The following BCR variants were observed in gnomAD, a reference collection of about 807,000 sequenced individuals.
BCR encodes the protein BCR activator of RhoGEF and GTPase.
BCR carries 58 observed loss-of-function variants against 138.6 expected under a neutral mutation model. The observed-to-expected ratio is 0.42, with a 90% CI of 0.34 to 0.52. BCR has a LOEUF of 0.52. Ranked by LOEUF, BCR falls within the 20% of genes least tolerant of loss-of-function variation. BCR has a pLI of 0.06. For synonymous variants in BCR, 786 were observed against 730.1 expected, an observed-to-expected ratio of 1.08 and a Z score of -1.23; for missense variants, 1,599 against 1,727.2, an observed-to-expected ratio of 0.93 and a Z score of 1.32.
intron 5 of BCR, among the ~76,000 whole-genome samples, chr22:23,269,168 A>G (rs2073480197): frequency 6.6e-6 from 1 of 152,242 alleles, no homozygotes; most frequent in African/African-American, 2.4e-5. Context: ...TGGGCCATTC[A>G]GAAGGCTGGT....
rs1338264629 is a variant in BCR at position 23,287,263 on chromosome 22, C to T, written c.2511C>T (p.His837=). The T allele has an allele frequency of 6.4e-7, 1 of 1,551,392 alleles. No individual in the cohort carries two copies. The highest frequency in any genetic ancestry group is 1.4e-5 in the African/African-American group (1 of 73,338). Residue 837 remains histidine, a synonymous_variant, in exon 11 of 23, where the codon CAC becomes CAT. Transcript: ENST00000305877. ...LMSPSMAFRV[H]SRNGKSYTFL... is the part of the protein sequence containing the mutation. ...CTCCCAGCATGGCCTTCAGGGTGCA[C>T]AGCCGCAACGGCAAGGTGAGCGCCT...
intron 1 of BCR, among the ~76,000 whole-genome samples, chr22:23,214,704 A>G (rs1259452525): frequency 2.6e-5 from 4 of 152,230 alleles, no homozygotes; most frequent in South Asian, 4.1e-4. Context: ...TTTCCTTCTC[A>G]GAGCAGAGAA....
At chr22:23,230,067 TC>T in intron 1 of BCR, among the ~76,000 whole-genome samples, 1 of 151,514 alleles carries the variant, frequency 6.6e-6, no homozygotes. Flanking sequence ...TTTTTTTTCC[TC>T]TTGTCTGTGC....
intron 1 of BCR, among the ~76,000 whole-genome samples, chr22:23,229,994 T>C (rs943563800): frequency 6.6e-5 from 10 of 151,578 alleles, no homozygotes; most frequent in African/African-American, 1.9e-4. Context: ...GAGTTCAATC[T>C]ACAGGATTTC....
At chr22:23,197,314 A>T (rs1472287551) in intron 1 of BCR, among the ~76,000 whole-genome samples, 1 of 151,550 alleles carries the variant, frequency 6.6e-6, no homozygotes, top group African/African-American at 2.4e-5. Flanking sequence ...ACACTCTATG[A>T]TGTTTGCATG....
At chr22:23,195,902 AAAT>A (rs761044842) in intron 1 of BCR, among the ~76,000 whole-genome samples, 10 of 152,192 alleles carry the variant, frequency 6.6e-5, no homozygotes, top group Admixed American at 1.3e-4. Context: ...AAAACAAATT[AAAT>A]AAATAAATAA....
At chr22:23,185,468 A>G (rs2072328415) in intron 1 of BCR, among the ~76,000 whole-genome samples, 2 of 152,054 alleles carry the variant, frequency 1.3e-5, no homozygotes. Context: ...GATGGAGACC[A>G]TCCTGGCTAA....
intron 1 of BCR, among the ~76,000 whole-genome samples, chr22:23,218,246 G>C (rs1300758081): frequency 6.6e-6 from 1 of 152,194 alleles, no homozygotes; most frequent in Non-Finnish European, 1.5e-5. Context: ...AGCCCCCGGA[G>C]CTGGGTAAGC....
At position 23,311,515 on chromosome 22, in the gene BCR, C is replaced by A. The variant is rs539245278; in HGVS notation, c.3183-182C>A. The stretch of plus-strand genomic sequence containing the variant: ...GAAAGGTTCCTGAGAAAGTACATGC[C>A]ATGAGGACAGAGCTTGCAGAGGGAG... On this transcript the variant is annotated intron_variant, in intron 18 of 22. Coordinates refer to ENST00000305877, the MANE Select transcript of BCR (RefSeq NM_004327.4). 3.9e-5 allele frequency among the ~76,000 whole-genome samples: 6 copies of A among 152,106 alleles called. No individual in the cohort carries two copies. In the East Asian group the frequency reaches 9.7e-4, roughly 25 times the overall value.
At chr22:23,198,407 A>G (rs1221554924) in intron 1 of BCR, 6 of 440,546 alleles carry the variant, frequency 1.4e-5, no homozygotes, top group Admixed American at 9.0e-5. Flanking sequence ...GTTTGGGTCT[A>G]TGGGAAGGTT....
chr22:23,216,970 C>A (rs761069973), intron 1 of BCR: 1 of 426,872 alleles, frequency 2.3e-6, no homozygotes, highest in South Asian at 1.7e-5. Context: ...GCAAGTCTTG[C>A]CCAGATCTAA....
Position 23,289,625 on chromosome 22 carries a change from G to GC in BCR, c.2707+4_2707+5insC, listed in dbSNP as rs779189402. 2.5e-6 allele frequency: 4 copies of GC among 1,591,924 alleles called. No homozygotes were observed. The highest frequency in any genetic ancestry group is 1.1e-5 in the South Asian group (1 of 90,562). On this transcript the variant is annotated splice_donor_region_variant and intron_variant, in intron 13 of 22. Coordinates refer to ENST00000305877, the MANE Select transcript of BCR (RefSeq NM_004327.4). ...CCGCTGACCATCAATAAGGAAGGTGGGCCCCCCCGTTTCCGTGTACAGGGC... is the reference window on the plus strand; with the variant it reads ...CCGCTGACCATCAATAAGGAAGGTGGCGCCCCCCCGTTTCCGTGTACAGGGC...
intron 1 of BCR, among the ~76,000 whole-genome samples, chr22:23,209,080 C>T (rs2072650312): frequency 1.3e-5 from 2 of 152,108 alleles, no homozygotes; most frequent in Non-Finnish European, 2.9e-5. Context: ...TTTCTTTTAG[C>T]CGGGCGCGGT....
intron 1 of BCR, among the ~76,000 whole-genome samples, chr22:23,246,391 A>G (rs1405100773): frequency 4.6e-5 from 7 of 152,210 alleles, no homozygotes; most frequent in Non-Finnish European, 1.0e-4. Flanking sequence ...ATGCTATTCC[A>G]TTGAATCTGA....
chr22:23,300,044 C>T (rs2054678921), intron 16 of BCR, among the ~76,000 whole-genome samples: 1 of 152,204 alleles, frequency 6.6e-6, no homozygotes, highest in Non-Finnish European at 1.5e-5. Flanking sequence ...TAAAATGTCC[C>T]AGGTGTTTTT....
rs149344298 is a variant in BCR, at chr22:23,296,869, T to C, written c.3012+1714T>C. On this transcript the variant is annotated intron_variant, in intron 16 of 22. Coordinates refer to ENST00000305877, the MANE Select transcript of BCR (RefSeq NM_004327.4). Reference sequence around the variant, plus strand: ...CTGCCAGCCTTTGTGTGGATTCTCATGGTGGGAGATTGTACCACACAGATG... The same window carrying C: ...CTGCCAGCCTTTGTGTGGATTCTCACGGTGGGAGATTGTACCACACAGATG... Among the ~76,000 whole-genome samples the C allele has an allele frequency of 9.8e-4, 150 of 152,340 alleles. 2 individuals are homozygous for C. In the East Asian group the frequency reaches 0.022, roughly 22 times the overall value.
At chr22:23,200,734 T>C (rs1268852496) in intron 1 of BCR, among the ~76,000 whole-genome samples, 1 of 151,896 alleles carries the variant, frequency 6.6e-6, no homozygotes, top group Non-Finnish European at 1.5e-5. Flanking sequence ...AATTTTTGTA[T>C]TTTTTTGTAG....
intron 8 of BCR, among the ~76,000 whole-genome samples, chr22:23,274,167 C>T (rs1383094853): frequency 6.6e-6 from 1 of 152,196 alleles, no homozygotes. Context: ...CTCCTACTTC[C>T]CCCTGAGTGC....
intron 14 of BCR, among the ~76,000 whole-genome samples, chr22:23,291,775 G>A (rs985078286): frequency 3.3e-5 from 5 of 152,136 alleles, no homozygotes; most frequent in African/African-American, 7.2e-5. Context: ...GCCAGAAACC[G>A]TGGTCTGCTC....
Sources: gnomAD v4.1 joint callset for allele counts (sites outside exome capture counted in the v4.1 genomes callset) on GRCh38, gnomAD v4.1.1 for gene constraint, MANE v1.5 for transcripts, NCBI Gene and HGNC (gene_info 2026-07-23, HGNC 2026-07-21) for gene names.